Variants in BAIAP2L1 observed in about 807,000 individuals in gnomAD.
The protein encoded by BAIAP2L1 is BAR/IMD domain containing adaptor protein 2 like 1.
BAIAP2L1 carries 35 observed loss-of-function variants against 66.3 expected under a neutral mutation model. The ratio of observed to expected loss-of-function variants is 0.53; its 90% CI spans 0.40 to 0.70. The LOEUF is 0.70. Ranked by LOEUF, BAIAP2L1 falls within the 30% of genes least tolerant of loss-of-function variation. The pLI, the probability that BAIAP2L1 is intolerant of heterozygous loss-of-function variation, is 0.00. For synonymous variants in BAIAP2L1, 269 were observed against 248.7 expected, an observed-to-expected ratio of 1.08 and a Z score of -0.77; for missense variants, 622 against 656.9, an observed-to-expected ratio of 0.95 and a Z score of 0.58.
intron 9 of BAIAP2L1, chr7:98,308,282 C>A (rs1184300944): frequency 6.4e-6 from 3 of 468,094 alleles, no homozygotes; most frequent in South Asian, 4.6e-5. Flanking sequence ...CAGGCTAGGG[C>A]CACAGTTCAA....
chr7:98,400,677 G>C (rs1049563568), intron 1 of BAIAP2L1, 125 bp downstream of exon 1: 1 of 1,122,848 alleles, frequency 8.9e-7, no homozygotes, highest in Non-Finnish European at 1.3e-6. Flanking sequence ...GGAGAGACCG[G>C]GAGAGGTGGA....
Position 98,317,249 on chromosome 7 carries a change from G to C in BAIAP2L1, c.456C>G (p.Asn152Lys). ...TTTCTTTGTGTTCATATTTGAGTGC[G>C]TTTCGGCTTCCTTGGCTTTTCCTTC... ...KIRRKSQGSR[N>K]ALKYEHKEIE... is the part of the protein sequence containing the mutation. The change falls in exon 6 of 14, where the codon AAC becomes AAG. Residue 152 changes from asparagine to lysine, a missense_variant. Coordinates refer to ENST00000005260, the MANE Select transcript of BAIAP2L1 (RefSeq NM_018842.5). 1.2e-6 allele frequency: 2 copies of C among 1,614,226 alleles called. No homozygotes were observed. The highest frequency in any genetic ancestry group is 8.5e-7 in the Non-Finnish European group (1 of 1,180,038).
intron 1 of BAIAP2L1, among the ~76,000 whole-genome samples, chr7:98,393,699 G>A (rs1299149780): frequency 6.7e-6 from 1 of 149,828 alleles, no homozygotes; most frequent in African/African-American, 2.4e-5. Flanking sequence ...GGGTTTCACT[G>A]TGGTCTTGAT....
At position 98,296,245 on chromosome 7, in the gene BAIAP2L1, C is replaced by T. The variant is rs546682779; in HGVS notation, c.1423-2134G>A. On this transcript the variant is annotated intron_variant, in intron 12 of 13. Transcript: ENST00000005260. ...GCTGGGTGATCGTGGGGGCCGGGAA[C>T]GTCCTGCTGGGTATACGGAGTCACA... Among the ~76,000 whole-genome samples, 80 of 152,358 alleles carry T rather than the reference C, an allele frequency of 5.3e-4. 1 individual carries two copies. Among genetic ancestry groups the T allele is most frequent in the African/African-American group, 1.9e-3 (77 of 41,590 alleles).
chr7:98,311,417 G>A lies in BAIAP2L1; in HGVS notation c.807+680C>T, dbSNP rs539224949. Among the ~76,000 whole-genome samples the A allele has an allele frequency of 6.4e-4, 95 of 149,530 alleles. 1 individual carries two copies. Among genetic ancestry groups the A allele is most frequent in the African/African-American group, 2.1e-3 (86 of 40,692 alleles). On this transcript the variant is annotated intron_variant, in intron 8 of 13. Coordinates refer to ENST00000005260, the MANE Select transcript of BAIAP2L1 (RefSeq NM_018842.5). ...AAATTAGCCAGGCATGGTGGCGGGC[G>A]CCTGTAGTCCCAGCTACTTGGAAGG...
rs1392241585 is a variant in BAIAP2L1 at position 98,400,924 on chromosome 7, G to A, written c.-72C>T. 7.1e-7 allele frequency: 1 copy of A among 1,409,076 alleles called. No homozygotes were observed. Among genetic ancestry groups the A allele is most frequent in the Non-Finnish European group, 9.3e-7 (1 of 1,073,190 alleles). 87.3% of individuals were successfully genotyped at this position (1,409,076 alleles called of 1,614,324 possible). On this transcript the variant is annotated 5_prime_UTR_variant, in exon 1 of 14. Coordinates refer to ENST00000005260, the MANE Select transcript of BAIAP2L1 (RefSeq NM_018842.5). ...TCGTGGCCGCCGGACTCCGGGCAGC[G>A]GGAGGGCCGGGGCGCGACTAAGGGG...
chr7:98,298,605 T>A (rs1800289030), intron 12 of BAIAP2L1, among the ~76,000 whole-genome samples: 1 of 151,878 alleles, frequency 6.6e-6, no homozygotes, highest in Admixed American at 6.6e-5. Context: ...AGAGCAAGAC[T>A]CTGTCTCAAA....
intron 2 of BAIAP2L1, among the ~76,000 whole-genome samples, chr7:98,360,079 C>G (rs1431364123): frequency 3.3e-5 from 5 of 152,116 alleles, no homozygotes; most frequent in Admixed American, 3.3e-4. Flanking sequence ...CGTGCCACCA[C>G]TCCCGGCTAA....
At chr7:98,351,378 A>G (rs1044340612) in intron 3 of BAIAP2L1, among the ~76,000 whole-genome samples, 2 of 152,176 alleles carry the variant, frequency 1.3e-5, no homozygotes, top group African/African-American at 4.8e-5. Context: ...TCACCAGGCC[A>G]TCTCCTAACA....
intron 1 of BAIAP2L1, among the ~76,000 whole-genome samples, chr7:98,394,710 C>G (rs1328677934): frequency 6.6e-6 from 1 of 152,178 alleles, no homozygotes; most frequent in East Asian, 1.9e-4. Flanking sequence ...GTCTAATACT[C>G]AGCCAGTCTG....
At chr7:98,320,464 T>G (rs1458724884) in intron 3 of BAIAP2L1, among the ~76,000 whole-genome samples, 166 bp from the exon 4 acceptor site, 2 of 152,126 alleles carry the variant, frequency 1.3e-5, no homozygotes, top group Admixed American at 1.3e-4. Flanking sequence ...GCCTCCCAAA[T>G]AGCTGGATTA....
At chr7:98,296,901 A>G (rs1402858291) in intron 12 of BAIAP2L1, among the ~76,000 whole-genome samples, 1 of 152,172 alleles carries the variant, frequency 6.6e-6, no homozygotes, top group East Asian at 1.9e-4. Flanking sequence ...TCTCAACCGC[A>G]TACCTCACAC....
Position 98,292,419 on chromosome 7 carries a change from C to CT in BAIAP2L1, c.*1101dup. ...AGACTCCTGACCTCAGGTGATCCCC[C>CT]TGCCTCGGCCTCACAAAATGCTGGG... On this transcript the variant is annotated 3_prime_UTR_variant, in exon 14 of 14. Coordinates refer to ENST00000005260, the MANE Select transcript of BAIAP2L1 (RefSeq NM_018842.5). The CT allele has an allele frequency of 1.2e-5, 7 of 564,110 alleles. No homozygotes were observed. The South Asian group carries it at 1.5e-4, about 12-fold the overall frequency. The allele number at this position is 564,110 out of a possible 1,614,324, so 34.9% of individuals were successfully genotyped here. A position where few individuals can be genotyped will look rare whatever the true frequency, so the allele number is the denominator to read the frequency against.
chr7:98,388,840 G>A (rs1351762534), intron 1 of BAIAP2L1, among the ~76,000 whole-genome samples: 4 of 151,808 alleles, frequency 2.6e-5, no homozygotes, highest in Non-Finnish European at 4.4e-5. Context: ...CAGACTTGGC[G>A]GCACGTGCCT....
intron 2 of BAIAP2L1, among the ~76,000 whole-genome samples, chr7:98,358,555 C>A (rs189630375): frequency 2.0e-5 from 3 of 151,940 alleles, no homozygotes; most frequent in Admixed American, 2.0e-4. Flanking sequence ...TAGGGTCTCA[C>A]TATGTTGCCC....
chr7:98,364,848 G>A (rs531878663), intron 1 of BAIAP2L1, among the ~76,000 whole-genome samples: 1 of 151,492 alleles, frequency 6.6e-6, no homozygotes, highest in African/African-American at 2.4e-5. Context: ...TTAGCCAAGG[G>A]TGGTGGCTTG....
chr7:98,325,729 T>A (rs1368167564), intron 3 of BAIAP2L1, among the ~76,000 whole-genome samples: 2 of 152,008 alleles, frequency 1.3e-5, no homozygotes, highest in African/African-American at 4.8e-5. Context: ...GAAAAAGGAC[T>A]GAATTTTTCT....
chr7:98,331,103 G>A (rs1009891777), intron 3 of BAIAP2L1, among the ~76,000 whole-genome samples: 1 of 152,172 alleles, frequency 6.6e-6, no homozygotes, highest in African/African-American at 2.4e-5. Context: ...GAATGCCTTT[G>A]ATAAGTTCAC....
Position 98,301,094 on chromosome 7 carries a change from CG to C in BAIAP2L1, c.1422+3101del, listed in dbSNP as rs1275050389. On this transcript the variant is annotated intron_variant, in intron 12 of 13. Coordinates refer to ENST00000005260, the MANE Select transcript of BAIAP2L1 (RefSeq NM_018842.5). ...GCCGGCTGGATGAATGCTGATGGGA[CG>C]GTCTCATCTCTGTCCACAAAACCCC... Among the ~76,000 whole-genome samples the C allele has an allele frequency of 5.3e-5, 8 of 152,274 alleles. No individual in the cohort carries two copies. The South Asian group carries it at 1.0e-3, about 20-fold the overall frequency.
Sources: gnomAD v4.1 joint callset for allele counts (sites outside exome capture counted in the v4.1 genomes callset) on GRCh38, gnomAD v4.1.1 for gene constraint, MANE v1.5 for transcripts, NCBI Gene and HGNC (gene_info 2026-07-23, HGNC 2026-07-21) for gene names.